Variants in EXT1 observed in about 807,000 individuals in gnomAD.
EXT1 encodes exostosin-1.
Under a neutral mutation model 82.5 loss-of-function variants are expected in EXT1, and 20 were observed. That is an observed-to-expected ratio of 0.24 (90% confidence interval 0.17 to 0.35). The LOEUF (loss-of-function observed/expected upper bound fraction) is 0.35, where lower values mean the gene tolerates loss of function less well. Among genes scored for constraint, EXT1 ranks in the 10% least tolerant of loss-of-function variants. The probability of loss-of-function intolerance (pLI) is 1.00; values close to 1 mark genes in which losing one functional copy is unlikely to be tolerated. For missense variants in EXT1, 757 were observed against 936.5 expected (o/e 0.81, Z 2.50); for synonymous variants, 348 against 350.8 (o/e 0.99, Z 0.09).
intron 1 of EXT1, among the ~76,000 whole-genome samples, chr8:117,893,078 C>T (rs999100005): frequency 2.6e-5 from 4 of 152,194 alleles, no homozygotes; most frequent in Non-Finnish European, 4.4e-5. Context: ...CATTACAGTA[C>T]ACATTATATA....
intron 1 of EXT1, among the ~76,000 whole-genome samples, chr8:117,979,050 G>A (rs1815127450): frequency 1.3e-5 from 2 of 152,062 alleles, no homozygotes; most frequent in Non-Finnish European, 2.9e-5. Flanking sequence ...ATGTTACTAT[G>A]TTGAGTTAAA....
intron 1 of EXT1, among the ~76,000 whole-genome samples, chr8:118,006,577 A>C (rs1815780470): frequency 6.6e-6 from 1 of 152,248 alleles, no homozygotes; most frequent in Non-Finnish European, 1.5e-5. Context: ...ACTGTGGTTC[A>C]GTGGAAAGAA....
chr8:117,945,370 C>G (rs1814366942), intron 1 of EXT1, among the ~76,000 whole-genome samples: 1 of 152,100 alleles, frequency 6.6e-6, no homozygotes, highest in African/African-American at 2.4e-5. Flanking sequence ...CTTAGAGACC[C>G]TGGTGATTTT....
At chr8:117,913,567 G>A (rs1288473093) in intron 1 of EXT1, among the ~76,000 whole-genome samples, 1 of 152,150 alleles carries the variant, frequency 6.6e-6, no homozygotes, top group Admixed American at 6.5e-5. Flanking sequence ...ATGCCAAGGA[G>A]ACGCTAACCC....
chr8:117,995,049 G>C (rs1815508113), intron 1 of EXT1, among the ~76,000 whole-genome samples: 1 of 152,190 alleles, frequency 6.6e-6, no homozygotes, highest in Non-Finnish European at 1.5e-5. Flanking sequence ...AACTGAGAGA[G>C]AGTGTTTTTG....
At chr8:117,979,832 C>G (rs77963532) in intron 1 of EXT1, among the ~76,000 whole-genome samples, 4,627 of 152,226 alleles carry the variant, frequency 0.03, 223 homozygotes, top group African/African-American at 0.11. Context: ...ACCATTGTAC[C>G]TTTAGTGAGT....
At chr8:117,869,924 GAATTAC>G (rs1292372319) in intron 1 of EXT1, among the ~76,000 whole-genome samples, 1 of 152,104 alleles carries the variant, frequency 6.6e-6, no homozygotes, top group Non-Finnish European at 1.5e-5. Flanking sequence ...TTTGGATCAT[GAATTAC>G]TTTGTAAGAT....
chr8:118,011,154 A>T (rs1380011777), intron 1 of EXT1, among the ~76,000 whole-genome samples: 1 of 152,188 alleles, frequency 6.6e-6, no homozygotes, highest in Non-Finnish European at 1.5e-5. Context: ...CTCCTCAAAG[A>T]GGCCCTCACA....
At chr8:117,930,568 G>C (rs1349509141) in intron 1 of EXT1, among the ~76,000 whole-genome samples, 2 of 152,188 alleles carry the variant, frequency 1.3e-5, no homozygotes, top group African/African-American at 4.8e-5. Context: ...GGAGAAGAGA[G>C]TGTGATGGTG....
chr8:118,038,663 A>C (rs993164901), intron 1 of EXT1, among the ~76,000 whole-genome samples: 18 of 152,254 alleles, frequency 1.2e-4, no homozygotes, highest in South Asian at 4.1e-4. Flanking sequence ...CCTTGTAACA[A>C]CTCCGAAGGG....
At chr8:117,892,200 T>C (rs945827074) in intron 1 of EXT1, among the ~76,000 whole-genome samples, 5 of 152,188 alleles carry the variant, frequency 3.3e-5, no homozygotes, top group African/African-American at 9.7e-5. Flanking sequence ...CTCCTGAGCA[T>C]TGAACATGCA....
At chr8:118,106,636 T>C (rs1817807093) in intron 1 of EXT1, among the ~76,000 whole-genome samples, 1 of 152,242 alleles carries the variant, frequency 6.6e-6, no homozygotes, top group South Asian at 2.1e-4. Context: ...AAGCCACCTC[T>C]CCTTTCCCTC....
At chr8:117,802,070 C>G (rs571910611) in intron 10 of EXT1, among the ~76,000 whole-genome samples, 1 of 152,174 alleles carries the variant, frequency 6.6e-6, no homozygotes, top group African/African-American at 2.4e-5. Context: ...TTTACTTTAC[C>G]GGTCATACAA....
intron 1 of EXT1, among the ~76,000 whole-genome samples, chr8:117,957,507 C>G (rs866245860): frequency 6.6e-6 from 1 of 152,192 alleles, no homozygotes; most frequent in African/African-American, 2.4e-5. Flanking sequence ...GAGACAGACA[C>G]TGAAACAGGA....
At chr8:118,098,000 G>A (rs1817650964) in intron 1 of EXT1, among the ~76,000 whole-genome samples, 1 of 152,198 alleles carries the variant, frequency 6.6e-6, no homozygotes, top group Non-Finnish European at 1.5e-5. Context: ...GAAAGGAGGT[G>A]TGTGGGGAAA....
intron 1 of EXT1, among the ~76,000 whole-genome samples, chr8:117,982,873 C>T (rs1296461133): frequency 6.6e-6 from 1 of 152,162 alleles, no homozygotes; most frequent in African/African-American, 2.4e-5. Context: ...TGTAAATATA[C>T]CATGATATGA....
intron 1 of EXT1, among the ~76,000 whole-genome samples, chr8:118,057,637 C>T (rs1563642683): frequency 6.6e-6 from 1 of 151,524 alleles, no homozygotes; most frequent in Non-Finnish European, 1.5e-5. Flanking sequence ...CAGTGCCTAA[C>T]ATATTGAGGG....
At chr8:117,858,744 G>A in intron 1 of EXT1, among the ~76,000 whole-genome samples, 4 of 104,096 alleles carry the variant, frequency 3.8e-5, no homozygotes, top group African/African-American at 1.4e-4. Flanking sequence ...AAGGAAGGAA[G>A]GAAGGAAGGA....
intron 1 of EXT1, among the ~76,000 whole-genome samples, chr8:118,080,658 T>C (rs1817301259): frequency 2.6e-5 from 4 of 152,232 alleles, no homozygotes; most frequent in Admixed American, 2.6e-4. Context: ...CCAATAATAA[T>C]GCCTTTTAAA....
Sources: allele counts gnomAD v4.1 joint callset (sites outside exome capture counted in the v4.1 genomes callset), GRCh38; gene constraint gnomAD v4.1.1; transcripts MANE v1.5; gene names NCBI Gene and HGNC (gene_info 2026-07-23, HGNC 2026-07-21).